The following TENM3 variants were observed in gnomAD, a reference collection of about 807,000 sequenced individuals.
TENM3 encodes teneurin-3.
TENM3 carries 63 observed loss-of-function variants against 255.1 expected under a neutral mutation model. The observed-to-expected ratio is 0.25, with a 90% CI of 0.20 to 0.30. TENM3 has a LOEUF of 0.30. Among genes scored for constraint, TENM3 ranks in the 10% least tolerant of loss-of-function variants. The probability of loss-of-function intolerance (pLI) is 1.00; values close to 1 mark genes in which losing one functional copy is unlikely to be tolerated. For missense variants in TENM3, 2,929 were observed against 3,461.1 expected (o/e 0.85, Z 3.86); for synonymous variants, 1,306 against 1,322.3 (o/e 0.99, Z 0.27).
chr4:181,904,359 A>G, the TENM3 span, among the ~76,000 whole-genome samples: 1 of 152,142 alleles, frequency 6.6e-6, no homozygotes, highest in African/African-American at 2.4e-5. Flanking sequence ...AGATTAAAAT[A>G]TTCTAAGGAT....
At chr4:181,811,745 T>TG in the TENM3 span, among the ~76,000 whole-genome samples, 1 of 152,062 alleles carries the variant, frequency 6.6e-6, no homozygotes, top group Admixed American at 6.5e-5. Flanking sequence ...ACAAACAGAA[T>TG]GGGGGAAATC....
intron 3 of TENM3, among the ~76,000 whole-genome samples, chr4:182,502,162 A>G (rs13106786): frequency 0.31 from 46,708 of 152,020 alleles, 7,974 homozygotes; most frequent in Non-Finnish European, 0.38. Context: ...GTCTACTGCC[A>G]TTGTCATTCT....
the TENM3 span, among the ~76,000 whole-genome samples, chr4:181,758,262 C>A: frequency 6.6e-6 from 1 of 152,320 alleles, no homozygotes; most frequent in South Asian, 2.1e-4. Flanking sequence ...GAAGGCCCAG[C>A]AGAAGCATGA....
chr4:182,293,563 C>G (rs925863767), intron 1 of TENM3, among the ~76,000 whole-genome samples: 4 of 152,144 alleles, frequency 2.6e-5, no homozygotes. Context: ...AGCTTTCCAC[C>G]TTTCAAAGGA....
rs562570150 is a variant in TENM3, at chr4:182,346,739, C to T, written c.321C>T (p.His107=). 1.6e-4 allele frequency: 260 copies of T among 1,613,660 alleles called. 1 individual carries two copies. The South Asian group carries it at 2.6e-3, about 16-fold the overall frequency. Reference sequence around the variant, plus strand: ...TTTGTGCGGAAATGGGGCTCCCTCACAGAGGTTACTCTATCAGTGCAGGGT... The same window carrying T: ...TTTGTGCGGAAATGGGGCTCCCTCATAGAGGTTACTCTATCAGTGCAGGGT... ...LAFCAEMGLP[H]RGYSISAGSD... Residue 107 remains histidine (H), a synonymous_variant, in exon 3 of 28, where the codon CAC becomes CAT. Coordinates refer to ENST00000511685, the MANE Select transcript of TENM3 (RefSeq NM_001080477.4).
chr4:181,656,335 T>C, the TENM3 span, among the ~76,000 whole-genome samples: 8 of 152,194 alleles, frequency 5.3e-5, 1 homozygote, highest in South Asian at 8.3e-4. Flanking sequence ...TCACACGACC[T>C]CCTGAAATAA....
chr4:182,654,727 A>G (rs1311606951), intron 6 of TENM3, among the ~76,000 whole-genome samples: 3 of 152,112 alleles, frequency 2.0e-5, no homozygotes, highest in African/African-American at 7.2e-5. Flanking sequence ...TGGCATTAAT[A>G]TGTCTATCCT....
At chr4:181,629,749 T>G in the TENM3 span, among the ~76,000 whole-genome samples, 1 of 152,248 alleles carries the variant, frequency 6.6e-6, no homozygotes, top group Non-Finnish European at 1.5e-5. Context: ...AGTATTTTAT[T>G]GAGGATTTTT....
chr4:182,178,648 T>C (rs1752664136), intron 1 of TENM3, among the ~76,000 whole-genome samples: 1 of 152,202 alleles, frequency 6.6e-6, no homozygotes, highest in African/African-American at 2.4e-5. Context: ...AGCTAAATGG[T>C]TTGAAAAAAT....
intron 3 of TENM3, among the ~76,000 whole-genome samples, chr4:182,585,185 CACA>C (rs1194444810): frequency 6.6e-6 from 1 of 152,154 alleles, no homozygotes; most frequent in African/African-American, 2.4e-5. Flanking sequence ...CTTTAATTCT[CACA>C]ACATTTCCTT....
the TENM3 span, among the ~76,000 whole-genome samples, chr4:181,692,995 C>A: frequency 6.6e-6 from 1 of 152,066 alleles, no homozygotes; most frequent in Admixed American, 6.6e-5. Flanking sequence ...AGTTTGGGAT[C>A]CCCTTGGAGC....
At chr4:181,626,507 C>G in the TENM3 span, among the ~76,000 whole-genome samples, 1 of 152,118 alleles carries the variant, frequency 6.6e-6, no homozygotes, top group Admixed American at 6.5e-5. Flanking sequence ...AGGAAAGTTA[C>G]AATCATGGCG....
At chr4:181,784,858 A>G in the TENM3 span, among the ~76,000 whole-genome samples, 1 of 152,192 alleles carries the variant, frequency 6.6e-6, no homozygotes, top group Non-Finnish European at 1.5e-5. Flanking sequence ...AGGGAGTAAC[A>G]TAATGGGACC....
intron 4 of TENM3, among the ~76,000 whole-genome samples, chr4:182,618,847 A>G (rs1314317055): frequency 1.3e-5 from 2 of 152,242 alleles, no homozygotes; most frequent in African/African-American, 4.8e-5. Context: ...AGGTATAAGA[A>G]CACAGAACTT....
At chr4:182,788,081 C>A (rs1488279930) in intron 24 of TENM3, among the ~76,000 whole-genome samples, 1 of 152,138 alleles carries the variant, frequency 6.6e-6, no homozygotes, top group Non-Finnish European at 1.5e-5. Context: ...TCAGCTGGAT[C>A]TGTCCACTTT....
Position 182,245,953 on chromosome 4 carries a change from C to T in TENM3, c.-76+2477C>T, listed in dbSNP as rs74526374. On this transcript the variant is annotated intron_variant, in intron 1 of 27. Transcript: ENST00000511685. ...TGATACCGATGTAACATTTTATTGGCGGGCGCTCCTGCTGGATCCTCACTC... is the reference window on the plus strand; with the variant it reads ...TGATACCGATGTAACATTTTATTGGTGGGCGCTCCTGCTGGATCCTCACTC... Among the ~76,000 whole-genome samples, 98 of 152,230 alleles carry T rather than the reference C, an allele frequency of 6.4e-4. 1 individual carries two copies. In the East Asian group the frequency reaches 0.016, roughly 25 times the overall value.
the TENM3 span, among the ~76,000 whole-genome samples, chr4:181,860,559 T>G: frequency 6.6e-6 from 1 of 152,340 alleles, no homozygotes; most frequent in Non-Finnish European, 1.5e-5. Context: ...GCTCTGAGAT[T>G]ATGTGCTTAA....
intron 1 of TENM3, among the ~76,000 whole-genome samples, chr4:182,277,957 G>T (rs1269317971): frequency 6.6e-6 from 1 of 152,148 alleles, no homozygotes; most frequent in East Asian, 1.9e-4. Context: ...ACTCCCTACC[G>T]CCCTCAACCC....
chr4:182,383,407 T>G (rs1046635179), intron 3 of TENM3, among the ~76,000 whole-genome samples: 6 of 152,104 alleles, frequency 3.9e-5, no homozygotes, highest in African/African-American at 1.4e-4. Context: ...CTGACTCAAG[T>G]GGAGTCAAGG....
Sources: gnomAD v4.1 joint callset for allele counts (sites outside exome capture counted in the v4.1 genomes callset) on GRCh38, gnomAD v4.1.1 for gene constraint, MANE v1.5 for transcripts, NCBI Gene and HGNC (gene_info 2026-07-23, HGNC 2026-07-21) for gene names.